DBN1: variants seen among roughly 807,000 people sequenced by gnomAD.
DBN1 encodes drebrin.
DBN1 carries 21 observed loss-of-function variants against 83.5 expected under a neutral mutation model. The ratio of observed to expected loss-of-function variants is 0.25; its 90% CI spans 0.18 to 0.36. DBN1 has a LOEUF of 0.36. Ranked by LOEUF, DBN1 falls within the 10% of genes least tolerant of loss-of-function variation. The pLI, the probability that DBN1 is intolerant of heterozygous loss-of-function variation, is 1.00. For synonymous variants in DBN1, 381 were observed against 384.9 expected (o/e 0.99, Z 0.12); for missense variants, 874 against 935.7 (o/e 0.93, Z 0.86).
rs111482145 is a variant in DBN1, at chr5:177,457,902, G to T, written c.1915-145C>A. 3,579 of 1,092,638 alleles carry T rather than the reference G, an allele frequency of 3.3e-3. 63 individuals are homozygous for T. The African/African-American group carries it at 0.048, about 15-fold the overall frequency. 67.7% of individuals were successfully genotyped at this position (1,092,638 alleles called of 1,614,324 possible). ...GATGCCTGCCTTGGGAACAAAAGCA[G>T]AGCCGGCCCAGGGAGGGAGGGTGGG... On this transcript the variant is annotated intron_variant, in intron 13 of 14. Coordinates refer to ENST00000393565, the MANE Select transcript of DBN1 (RefSeq NM_001363541.2).
chr5:177,473,372 G>C (rs1757990438), intron 1 of DBN1, 64 bp downstream of exon 1: 14 of 990,030 alleles, frequency 1.4e-5, no homozygotes, highest in Non-Finnish European at 1.9e-5. Flanking sequence ...CGGGGCGGGA[G>C]AGAAACAAAG....
chr5:177,467,773 G>A lies in DBN1; in HGVS notation c.300C>T (p.Ser100=), dbSNP rs1200580841. 3 of 1,555,752 alleles carry A rather than the reference G, an allele frequency of 1.9e-6. No individual in the cohort carries two copies. Among genetic ancestry groups the A allele is most frequent in the East Asian group, 2.4e-5 (1 of 41,054 alleles). ...AGAACTCCGCCACCTTAGCCACGTG[G>A]CTGGCACAAGCGCACTTGCGGGCAT... ...VPDARKCACA[S]HVAKVAEFFQ... The change falls in exon 4 of 15, where the codon AGC becomes AGT. Residue 100 remains serine (S), a synonymous_variant. Transcript: ENST00000393565. This position sits in a 1 kb window ranked among gnomAD's most constrained non-coding sequence, Gnocchi z 9.1.
At chr5:177,465,195 T>C (rs570082799) in intron 8 of DBN1, among the ~76,000 whole-genome samples, 3 of 152,306 alleles carry the variant, frequency 2.0e-5, no homozygotes, top group African/African-American at 7.2e-5. Context: ...AACCTCACTC[T>C]GAAAGGATAA....
At chr5:177,471,687 G>A (rs764341963) in intron 1 of DBN1, among the ~76,000 whole-genome samples, 7 of 152,140 alleles carry the variant, frequency 4.6e-5, no homozygotes, top group East Asian at 1.9e-4. Flanking sequence ...GTGTGCATGT[G>A]CGAGGGTACA....
Position 177,473,470 on chromosome 5 carries a change from C to T in DBN1, c.52G>A (p.Glu18Lys). 7.0e-7 allele frequency: 1 copy of T among 1,435,642 alleles called. No homozygotes were observed. The highest frequency in any genetic ancestry group is 9.2e-7 in the Non-Finnish European group (1 of 1,087,754). 88.9% of individuals were successfully genotyped at this position (1,435,642 alleles called of 1,614,324 possible). A position where few individuals can be genotyped will look rare whatever the true frequency, so the allele number is the denominator to read the frequency against. Residue 18 changes from glutamate (E) to lysine (K), a missense_variant, in exon 1 of 15, where the codon GAG becomes AAG. Glu to Lys is a moderately conservative substitution (Grantham distance 56). Around this residue, in one of 4 missense-constraint regions of DBN1, gnomAD observed 82 missense variants for 101.7 expected, o/e 0.81. Transcript: ENST00000393565. Reference protein sequence around the residue: ...GHRLELLAAYEEVIREESAAD... With the variant: ...GHRLELLAAYKEVIREESAAD... Reference sequence around the variant, plus strand: ...GCGCTCTCCTCTCGGATCACCTCCTCGTAAGCCGCCAGCAGCTCCAGGCGG... The same window carrying T: ...GCGCTCTCCTCTCGGATCACCTCCTTGTAAGCCGCCAGCAGCTCCAGGCGG...
chr5:177,470,495 A>AG (rs1256210425), intron 1 of DBN1, among the ~76,000 whole-genome samples: 1 of 151,942 alleles, frequency 6.6e-6, no homozygotes, highest in Non-Finnish European at 1.5e-5. Flanking sequence ...GCTCTCCCCC[A>AG]GCAGAAACCA....
chr5:177,468,254 C>T, intron 2 of DBN1, 34 bp from the exon 3 acceptor site: 1 of 1,568,476 alleles, frequency 6.4e-7, no homozygotes, highest in South Asian at 1.1e-5. Context: ...GGTCTCTCTG[C>T]CTCCTAAACC....
chr5:177,472,058 G>T (rs1757881578), intron 1 of DBN1: 2 of 1,564,012 alleles, frequency 1.3e-6, no homozygotes, highest in South Asian at 2.3e-5. Context: ...CTGGGGCAGG[G>T]CTGGGACAAT....
At chr5:177,472,530 G>T in intron 1 of DBN1, 1 of 729,402 alleles carries the variant, frequency 1.4e-6, no homozygotes, top group Non-Finnish European at 1.9e-6. Context: ...CCAGCTCAGC[G>T]GGAGACAACA....
At chr5:177,460,997 T>TC (rs1756992859) in intron 8 of DBN1, among the ~76,000 whole-genome samples, 1 of 151,884 alleles carries the variant, frequency 6.6e-6, no homozygotes, top group Non-Finnish European at 1.5e-5. Context: ...CAGGCTGGTC[T>TC]CAAACTTCTG....
chr5:177,468,903 G>A lies in DBN1; in HGVS notation c.87-4C>T. The A allele has an allele frequency of 4.6e-6, 6 of 1,313,688 alleles. No homozygotes were observed. Among genetic ancestry groups the A allele is most frequent in the Non-Finnish European group, 5.9e-6 (6 of 1,022,188 alleles). The allele number at this position is 1,313,688 out of a possible 1,614,324, so 81.4% of individuals were successfully genotyped here. The stretch of plus-strand genomic sequence containing the variant: ...ATCTTCATATGTGTACAGAGCCCTG[G>A]GGAGAGGGAGGGGTGGCTGTCAAAC... On this transcript the variant is annotated splice_region_variant and splice_polypyrimidine_tract_variant and intron_variant, in intron 1 of 14. Transcript: ENST00000393565.
In DBN1 at chr5:177,457,670, A is replaced by G; in HGVS notation, c.2002T>C (p.Tyr668His). The G allele has an allele frequency of 6.2e-7, 1 of 1,602,908 alleles. No homozygotes were observed. Among genetic ancestry groups the G allele is most frequent in the Non-Finnish European group, 8.5e-7 (1 of 1,170,706 alleles). The change falls in exon 14 of 15, where the codon TAC becomes CAC. Residue 668 changes from tyrosine to histidine, a missense_variant. Physicochemically the swap from Tyr to His is moderately conservative, Grantham distance 83. This residue lies in a region of DBN1 where 725 missense variants were observed against 719.7 expected (regional missense o/e 1.01). Coordinates refer to ENST00000393565, the MANE Select transcript of DBN1 (RefSeq NM_001363541.2). ...CCAGTACTACCTGGAGGCTTGTTGT[A>G]GAACACAGGAGGCGGAGCCTTGGCA... Reference protein sequence around the residue: ...LCAKAPPPVFYNKPPEIDITC... With the variant: ...LCAKAPPPVFHNKPPEIDITC...
In DBN1 at chr5:177,458,149, A is replaced by G. The variant is rs1756694496; in HGVS notation, c.1823T>C (p.Leu608Pro). 1 of 1,612,990 alleles carries G rather than the reference A, an allele frequency of 6.2e-7. No individual in the cohort carries two copies. The highest frequency in any genetic ancestry group is 8.5e-7 in the Non-Finnish European group (1 of 1,179,650). The change falls in exon 13 of 15, where the codon CTG becomes CCG. Residue 608 changes from leucine (L) to proline (P), a missense_variant. Physicochemically the swap from Leu to Pro is moderately conservative, Grantham distance 98 (BLOSUM62 -3). This residue lies in a region of DBN1 where 725 missense variants were observed against 719.7 expected (regional missense o/e 1.01). Coordinates refer to ENST00000393565, the MANE Select transcript of DBN1 (RefSeq NM_001363541.2). ...CTCCAGCTCCTCAAGGGCTGAGGGC[A>G]GAGTTGGGGTCTGGGGGGCAGCCAG... ...ESLAAPQTPT[L>P]PSALEELEQE...
chr5:177,463,808 A>AT (rs1343738401), intron 8 of DBN1, among the ~76,000 whole-genome samples: 1 of 152,234 alleles, frequency 6.6e-6, no homozygotes, highest in Non-Finnish European at 1.5e-5. Context: ...GTCTACCTGC[A>AT]TGTGTGTATG....
intron 13 of DBN1, 146 bp from the exon 14 acceptor site, chr5:177,457,903 A>T: frequency 1.2e-6 from 1 of 809,382 alleles, no homozygotes; most frequent in Non-Finnish European, 1.8e-6. Flanking sequence ...ACAAAAGCAG[A>T]GCCGGCCCAG....
Position 177,462,495 on chromosome 5 carries a change from C to G in DBN1, c.772-1792G>C, listed in dbSNP as rs192952548. 4.1e-4 allele frequency: 303 copies of G among 745,722 alleles called. 1 individual carries two copies. Among genetic ancestry groups the G allele is most frequent in the African/African-American group, 4.0e-3 (212 of 52,560 alleles). 46.2% of individuals were successfully genotyped at this position (745,722 alleles called of 1,614,324 possible). On this transcript the variant is annotated intron_variant, in intron 8 of 14. Coordinates refer to ENST00000393565, the MANE Select transcript of DBN1 (RefSeq NM_001363541.2). Reference sequence around the variant, plus strand: ...CCTGGCTTCCACCACGATGACACCACATCCTAAGTTCCTGTTTCCGGAGGC... The same window carrying G: ...CCTGGCTTCCACCACGATGACACCAGATCCTAAGTTCCTGTTTCCGGAGGC...
chr5:177,472,742 C>T (rs2127405691), intron 1 of DBN1: 1 of 975,430 alleles, frequency 1.0e-6, no homozygotes, highest in Non-Finnish European at 1.2e-6. Flanking sequence ...GCCTAGTCCC[C>T]GCAGTCCCCT....
In DBN1 at chr5:177,459,710, G is replaced by A. The variant is rs779019326; in HGVS notation, c.986C>T (p.Ser329Leu). ...GRPYCPFIKA[S>L]DSGPSSSSSS... The stretch of plus-strand genomic sequence containing the variant: ...GGAGGAGGAGGAAGGCCCACTGTCC[G>A]ATGCCTTTATGAAAGGGCAGTACGG... Residue 329 changes from serine (S) to leucine (L), a missense_variant, in exon 11 of 15, where the codon TCG (serine) becomes TTG (leucine). By Grantham distance (145) the Ser-to-Leu change is moderately radical (BLOSUM62 -2). Transcript: ENST00000393565. The A allele has an allele frequency of 2.5e-6, 4 of 1,578,636 alleles. No individual in the cohort carries two copies. Among genetic ancestry groups the A allele is most frequent in the African/African-American group, 1.4e-5 (1 of 73,762 alleles).
intron 1 of DBN1, chr5:177,472,348 C>T (rs1283920978): frequency 3.3e-6 from 5 of 1,493,914 alleles, no homozygotes; most frequent in African/African-American, 2.9e-5. Context: ...AGAACCTGTT[C>T]CCATCTGCCA....
Sources: allele counts gnomAD v4.1 joint callset (sites outside exome capture counted in the v4.1 genomes callset), GRCh38; gene constraint gnomAD v4.1.1; regional missense constraint gnomAD v4.1.1; non-coding constraint Gnocchi (gnomAD v3.1); transcripts MANE v1.5; gene names NCBI Gene and HGNC (gene_info 2026-07-23, HGNC 2026-07-21).